CCDC171: variants seen among roughly 807,000 people sequenced by gnomAD.
CCDC171 encodes the protein coiled-coil domain-containing protein 171.
CCDC171 carries 177 observed loss-of-function variants against 168.2 expected under a neutral mutation model. The ratio of observed to expected loss-of-function variants is 1.05; its 90% CI spans 0.93 to 1.19. The LOEUF (loss-of-function observed/expected upper bound fraction) is 1.19, where lower values mean the gene tolerates loss of function less well. CCDC171 is among the 50% of genes most tolerant of loss of function. The pLI is 0.00. For missense variants in CCDC171, 1,991 were observed against 1,539.0 expected, an observed-to-expected ratio of 1.29 and a Z score of -4.91; for synonymous variants, 687 against 540.8, an observed-to-expected ratio of 1.27 and a Z score of -3.75.
intron 23 of CCDC171, among the ~76,000 whole-genome samples, chr9:15,852,180 C>T (rs532989483): frequency 1.3e-5 from 2 of 151,872 alleles, no homozygotes; most frequent in Admixed American, 1.3e-4. Context: ...AGTTGCTGCA[C>T]CATTTTAAAT....
chr9:15,599,161 G>A lies in CCDC171; in HGVS notation c.675+4989G>A, dbSNP rs577039477. On this transcript the variant is annotated intron_variant, in intron 6 of 25. Transcript: ENST00000380701. The stretch of plus-strand genomic sequence containing the variant: ...TAGCCCATTTACATTTAAGATTAAC[G>A]TTGTTATGTGTGAATTTGATCCTGT... Among the ~76,000 whole-genome samples, 1,048 of 152,168 alleles carry A rather than the reference G, an allele frequency of 6.9e-3. 10 individuals are homozygous for A. Among genetic ancestry groups the A allele is most frequent in the African/African-American group, 0.024 (1,017 of 41,516 alleles).
At chr9:15,704,606 C>T (rs1030233241) in intron 11 of CCDC171, among the ~76,000 whole-genome samples, 1 of 152,112 alleles carries the variant, frequency 6.6e-6, no homozygotes, top group Non-Finnish European at 1.5e-5. Flanking sequence ...TGAATGAAAA[C>T]TATTTTCTTG....
intron 24 of CCDC171, among the ~76,000 whole-genome samples, chr9:15,913,314 A>G (rs1321510205): frequency 6.6e-6 from 1 of 152,146 alleles, no homozygotes; most frequent in Non-Finnish European, 1.5e-5. Context: ...GTTTATTTGC[A>G]TAGGGGTATT....
chr9:15,762,092 A>G (rs1431201709), intron 18 of CCDC171, among the ~76,000 whole-genome samples: 1 of 151,214 alleles, frequency 6.6e-6, no homozygotes, highest in African/African-American at 2.4e-5. Context: ...GGAAGCATAG[A>G]TGAGGCTTGA....
chr9:15,635,661 A>C (rs1244306049), intron 7 of CCDC171, among the ~76,000 whole-genome samples: 1 of 152,220 alleles, frequency 6.6e-6, no homozygotes, highest in Non-Finnish European at 1.5e-5. Context: ...GGAACATTAC[A>C]TCCTTTAATC....
rs141856254 is a variant in CCDC171 at position 15,985,375 on chromosome 9, G to T, written n.369-35214G>T. ...GATTACTTCCTTCCATTCAGTTGCT[G>T]CCTTATACTTTAATCTGTAAGTCAG... On this transcript the variant is annotated intron_variant and non_coding_transcript_variant, in intron 3 of 9. Coordinates refer to the CCDC171 transcript ENST00000486641. 1.3e-3 allele frequency among the ~76,000 whole-genome samples: 205 copies of T among 152,254 alleles called. 2 individuals carry two copies. The highest frequency in any genetic ancestry group is 6.8e-3 in the Middle Eastern group (2 of 294).
intron 2 of CCDC171, among the ~76,000 whole-genome samples, chr9:15,565,975 C>T (rs1002024176): frequency 6.6e-6 from 1 of 152,170 alleles, no homozygotes; most frequent in African/African-American, 2.4e-5. Flanking sequence ...TTATCACTAG[C>T]AATAATTGAG....
At chr9:15,800,501 T>G (rs900509370) in intron 21 of CCDC171, among the ~76,000 whole-genome samples, 1 of 152,170 alleles carries the variant, frequency 6.6e-6, no homozygotes, top group Non-Finnish European at 1.5e-5. Context: ...CCTTGTATAT[T>G]CTAGTTATTA....
chr9:15,618,415 C>T (rs2044255857), intron 6 of CCDC171, among the ~76,000 whole-genome samples: 1 of 152,206 alleles, frequency 6.6e-6, no homozygotes, highest in Non-Finnish European at 1.5e-5. Flanking sequence ...GCTGTGCTGG[C>T]AGTGAGAATT....
intron 21 of CCDC171, among the ~76,000 whole-genome samples, chr9:15,833,456 A>G (rs1176602680): frequency 2.6e-5 from 4 of 152,218 alleles, no homozygotes; most frequent in Non-Finnish European, 2.9e-5. Flanking sequence ...GTGCCACTTA[A>G]AATCTGTGAG....
chr9:15,574,247 C>T (rs1202733808), intron 3 of CCDC171, among the ~76,000 whole-genome samples: 1 of 151,872 alleles, frequency 6.6e-6, no homozygotes, highest in Non-Finnish European at 1.5e-5. Context: ...CAGGTTCAAG[C>T]GTTCCTCCTG....
intron 1 of CCDC171, among the ~76,000 whole-genome samples, chr9:16,052,907 C>T (rs1452220068): frequency 6.6e-6 from 1 of 151,706 alleles, no homozygotes; most frequent in Non-Finnish European, 1.5e-5. Flanking sequence ...ATTCCCTTTT[C>T]CCATCACCCG....
chr9:16,062,376 A>G (rs1833942357), downstream of CCDC171, among the ~76,000 whole-genome samples: 1 of 152,098 alleles, frequency 6.6e-6, no homozygotes, highest in African/African-American at 2.4e-5. Flanking sequence ...CAAAGGAGGG[A>G]ATGATAGACA....
chr9:16,051,971 C>G (rs562361149), intron 1 of CCDC171, among the ~76,000 whole-genome samples: 1 of 152,260 alleles, frequency 6.6e-6, no homozygotes, highest in South Asian at 2.1e-4. Context: ...TTTATAAAAC[C>G]ATCAGATCTC....
rs368922596 is a variant in CCDC171, at chr9:15,728,048, C to G, written c.1860+12C>G. ...GGGCTAATGAGAAGGTAACTGTCCT[C>G]AGGCACCAGATACCTCTATTAAATT... is the stretch of plus-strand genomic sequence containing the variant. On this transcript the variant is annotated intron_variant, in intron 15 of 25. Coordinates refer to ENST00000380701, the MANE Select transcript of CCDC171 (RefSeq NM_173550.4). 61 of 1,600,782 alleles carry G rather than the reference C, an allele frequency of 3.8e-5. No homozygotes were observed. The highest frequency in any genetic ancestry group is 5.1e-5 in the Non-Finnish European group (60 of 1,172,530).
upstream of CCDC171, among the ~76,000 whole-genome samples, chr9:16,038,999 C>T (rs2133052662): frequency 6.6e-6 from 1 of 151,838 alleles, no homozygotes; most frequent in South Asian, 2.1e-4. Flanking sequence ...AGTCTCAAAA[C>T]TTGAAGTCCC....
chr9:15,582,332 G>T (rs1161535898), intron 4 of CCDC171, among the ~76,000 whole-genome samples: 1 of 152,176 alleles, frequency 6.6e-6, no homozygotes, highest in African/African-American at 2.4e-5. Flanking sequence ...ACTGTTGGTG[G>T]GAGTGTAAAT....
intron 1 of CCDC171, among the ~76,000 whole-genome samples, chr9:16,054,494 T>C (rs1346097370): frequency 1.3e-5 from 2 of 151,992 alleles, no homozygotes; most frequent in African/African-American, 4.8e-5. Flanking sequence ...TAAGCACCTT[T>C]GTTGTTGTTG....
chr9:15,753,015 G>T (rs1184770497), intron 18 of CCDC171, among the ~76,000 whole-genome samples: 1 of 151,854 alleles, frequency 6.6e-6, no homozygotes, highest in African/African-American at 2.4e-5. Flanking sequence ...ATTTTTTCTT[G>T]TCACTGTGTT....
Sources: allele counts gnomAD v4.1 joint callset (sites outside exome capture counted in the v4.1 genomes callset), GRCh38; gene constraint gnomAD v4.1.1; transcripts MANE v1.5; gene names NCBI Gene and HGNC (gene_info 2026-07-23, HGNC 2026-07-21).